Variants in GRHL2 observed in about 807,000 individuals in gnomAD.
GRHL2 encodes grainyhead-like protein 2 homolog.
A neutral mutation model predicts 83.8 loss-of-function variants in GRHL2; 21 were observed. The observed-to-expected ratio is 0.25, with a 90% confidence interval of 0.18 to 0.36. The LOEUF is 0.36. GRHL2 is among the 10% of genes least tolerant of loss of function. GRHL2 has a pLI of 1.00. For synonymous variants in GRHL2, 280 were observed against 278.9 expected (o/e 1.00, Z -0.04); for missense variants, 623 against 781.8 (o/e 0.80, Z 2.42).
In GRHL2 at chr8:101,528,428, AT is replaced by A. The variant is rs35634695; in HGVS notation, c.21-14799del. Among the ~76,000 whole-genome samples the A allele has an allele frequency of 7.8e-3, 1,121 of 143,200 alleles. 3 individuals are homozygous for A. The highest frequency in any genetic ancestry group is 0.012 in the African/African-American group (488 of 39,308). The allele number at this position is 143,200 out of a possible 152,430, so 93.9% of individuals were successfully genotyped here. On this transcript the variant is annotated intron_variant, in intron 1 of 15. Transcript: ENST00000646743. ...TCTTTTTACCCCCGTCTCTTTTCAG[AT>A]TTTTTTTTTTTTTAACTAACAAGCA...
chr8:101,654,977 G>C (rs1813753870), intron 14 of GRHL2, among the ~76,000 whole-genome samples: 1 of 152,132 alleles, frequency 6.6e-6, no homozygotes, highest in African/African-American at 2.4e-5. Context: ...GAGGTCGGGA[G>C]TTCGAGAACA....
chr8:101,641,317 C>G (rs1440181938), intron 12 of GRHL2, among the ~76,000 whole-genome samples: 1 of 152,104 alleles, frequency 6.6e-6, no homozygotes, highest in Non-Finnish European at 1.5e-5. Context: ...CTGAGGATAA[C>G]ATGGGCAAGG....
At chr8:101,672,393 A>T (rs1386036856), downstream of GRHL2, among the ~76,000 whole-genome samples, 2 of 151,824 alleles carry the variant, frequency 1.3e-5, no homozygotes, top group Admixed American at 6.5e-5. Flanking sequence ...AGGCTCGAGA[A>T]CTACGTGAAG....
chr8:101,564,284 G>A (rs1811668027), intron 4 of GRHL2, among the ~76,000 whole-genome samples: 1 of 152,140 alleles, frequency 6.6e-6, no homozygotes. Flanking sequence ...TGATTTCAGA[G>A]TAATTTCACC....
intron 11 of GRHL2, among the ~76,000 whole-genome samples, chr8:101,636,591 G>A (rs1179933908): frequency 6.6e-6 from 1 of 152,162 alleles, no homozygotes; most frequent in Non-Finnish European, 1.5e-5. Context: ...GGAAGATTTG[G>A]CTTAATGCCA....
At chr8:101,531,840 C>G (rs987397211) in intron 1 of GRHL2, among the ~76,000 whole-genome samples, 8 of 151,690 alleles carry the variant, frequency 5.3e-5, no homozygotes, top group African/African-American at 1.9e-4. Context: ...GAGAGAGAGA[C>G]CATGCTTCAA....
chr8:101,537,511 C>T (rs943035329), intron 1 of GRHL2, among the ~76,000 whole-genome samples: 1 of 152,140 alleles, frequency 6.6e-6, no homozygotes, highest in South Asian at 2.1e-4. Flanking sequence ...GGACTTTGAG[C>T]TGGTTATTAG....
intron 5 of GRHL2, among the ~76,000 whole-genome samples, chr8:101,571,959 G>T (rs1363567129): frequency 6.6e-6 from 1 of 152,166 alleles, no homozygotes; most frequent in Non-Finnish European, 1.5e-5. Flanking sequence ...TTCTCTTTCC[G>T]CTGCTGCCAT....
At chr8:101,553,972 C>G (rs1032939899) in intron 3 of GRHL2, among the ~76,000 whole-genome samples, 1 of 152,174 alleles carries the variant, frequency 6.6e-6, no homozygotes, top group Admixed American at 6.5e-5. Flanking sequence ...AAATCTCTTC[C>G]CCTGCAGTGG....
intron 7 of GRHL2, among the ~76,000 whole-genome samples, chr8:101,588,359 C>T (rs1166420718): frequency 2.0e-5 from 3 of 152,192 alleles, no homozygotes; most frequent in African/African-American, 7.2e-5. Flanking sequence ...TATCAAAATC[C>T]TCTAATAATT....
intron 7 of GRHL2, among the ~76,000 whole-genome samples, chr8:101,589,899 G>A (rs972652988): frequency 2.6e-5 from 4 of 152,152 alleles, no homozygotes; most frequent in African/African-American, 9.7e-5. Context: ...AAAGGCCTCT[G>A]GCATGTATGT....
chr8:101,542,929 A>G (rs945526206), intron 1 of GRHL2: 42 of 444,280 alleles, frequency 9.5e-5, no homozygotes, highest in African/African-American at 7.0e-4. Flanking sequence ...GCTCAACACC[A>G]TGTGGGAGCC....
intron 1 of GRHL2, among the ~76,000 whole-genome samples, chr8:101,542,216 A>G (rs1811167983): frequency 6.6e-6 from 1 of 152,168 alleles, no homozygotes; most frequent in Non-Finnish European, 1.5e-5. Flanking sequence ...ACATATTTAT[A>G]ATGAGAACTC....
intron 2 of GRHL2, among the ~76,000 whole-genome samples, chr8:101,548,582 AG>A (rs1811313642): frequency 6.6e-6 from 1 of 152,210 alleles, no homozygotes; most frequent in Non-Finnish European, 1.5e-5. Flanking sequence ...CAAGGCAGAG[AG>A]TACAGAATAA....
At chr8:101,543,527 A>G in intron 2 of GRHL2, 91 bp downstream of exon 2, 1 of 1,213,092 alleles carries the variant, frequency 8.2e-7, no homozygotes, top group Non-Finnish European at 1.2e-6. Context: ...GTCCCAGGCC[A>G]GGGAACTAAT....
chr8:101,535,093 G>A (rs1280315289), intron 1 of GRHL2, among the ~76,000 whole-genome samples: 1 of 152,182 alleles, frequency 6.6e-6, no homozygotes, highest in East Asian at 1.9e-4. Flanking sequence ...GGCTGGTAAA[G>A]TTCTATATGA....
chr8:101,537,455 A>T (rs995702120), intron 1 of GRHL2, among the ~76,000 whole-genome samples: 1 of 152,164 alleles, frequency 6.6e-6, no homozygotes, highest in African/African-American at 2.4e-5. Context: ...AAAGCAAAAA[A>T]ATGGCCAAGA....
chr8:101,676,969 A>C, the GRHL2 span, among the ~76,000 whole-genome samples: 7,900 of 152,014 alleles, frequency 0.052, 236 homozygotes, highest in Middle Eastern at 0.14. Context: ...GGACAAAAAA[A>C]CAAACACCAC....
chr8:101,674,804 C>T, the GRHL2 span, among the ~76,000 whole-genome samples: 1 of 152,018 alleles, frequency 6.6e-6, no homozygotes, highest in Non-Finnish European at 1.5e-5. Context: ...ATGCAAAAAT[C>T]CTCAATAAAA....
Sources: allele counts gnomAD v4.1 joint callset (sites outside exome capture counted in the v4.1 genomes callset), GRCh38; gene constraint gnomAD v4.1.1; transcripts MANE v1.5; gene names NCBI Gene and HGNC (gene_info 2026-07-23, HGNC 2026-07-21).